The following P2RX7 variants were observed in gnomAD, a reference collection of about 807,000 sequenced individuals.
The protein encoded by P2RX7 is purinergic receptor P2X 7, also known as P2X purinoceptor 7.
P2RX7 carries 62 observed loss-of-function variants against 71.6 expected under a neutral mutation model. The observed-to-expected ratio is 0.87, with a 90% CI of 0.71 to 1.07. The LOEUF (loss-of-function observed/expected upper bound fraction) is 1.07, where lower values mean the gene tolerates loss of function less well. Ranked by LOEUF, P2RX7 falls within the 50% of genes least tolerant of loss-of-function variation. The pLI, the probability that P2RX7 is intolerant of heterozygous loss-of-function variation, is 0.00. For missense variants in P2RX7, 686 were observed against 748.5 expected, an observed-to-expected ratio of 0.92 and a Z score of 0.97; for synonymous variants, 299 against 283.3, an observed-to-expected ratio of 1.06 and a Z score of -0.56.
At chr12:121,157,993 C>T (rs570841986) in intron 3 of P2RX7, among the ~76,000 whole-genome samples, 1 of 152,234 alleles carries the variant, frequency 6.6e-6, no homozygotes, top group African/African-American at 2.4e-5. Flanking sequence ...CAGGTTCCAT[C>T]GAAGCACTTC....
chr12:121,171,321 A>G (rs1360663984), intron 8 of P2RX7, among the ~76,000 whole-genome samples: 1 of 145,794 alleles, frequency 6.9e-6, no homozygotes, highest in African/African-American at 2.5e-5. Flanking sequence ...CTCCATCCTC[A>G]CATGGCCTTC....
rs778980769 is a variant in P2RX7 at position 121,167,537 on chromosome 12, G to T, written c.794G>T (p.Trp265Leu). 6.2e-7 allele frequency: 1 copy of T among 1,613,730 alleles called. No homozygotes were observed. The highest frequency in any genetic ancestry group is 8.5e-7 in the Non-Finnish European group (1 of 1,179,818). ...TACTGGGACTGCAACCTAGACCGTT[G>T]GTTCCATCACTGCCGTCCCAAATAC... ...EIYWDCNLDRWFHHCRPKYSF... is the reference protein window; with the variant it reads ...EIYWDCNLDRLFHHCRPKYSF... Residue 265 changes from tryptophan (W) to leucine (L), a missense_variant, in exon 8 of 13, where the codon TGG becomes TTG. Trp to Leu is a moderately conservative substitution (Grantham distance 61, BLOSUM62 -2). Coordinates refer to ENST00000328963, the MANE Select transcript of P2RX7 (RefSeq NM_002562.6).
At position 121,172,053 on chromosome 12, in the gene P2RX7, G is replaced by T. The variant is rs550218156; in HGVS notation, c.882-3335G>T. The stretch of plus-strand genomic sequence containing the variant: ...ATTTTTTGCATTTTTAGTACAGACG[G>T]GGTTTCACCATGTTAGCCAGGATGG... On this transcript the variant is annotated intron_variant, in intron 8 of 12. Transcript: ENST00000328963. Among the ~76,000 whole-genome samples, 5 of 151,986 alleles carry T rather than the reference G, an allele frequency of 3.3e-5. No homozygotes were observed. In the East Asian group the frequency reaches 7.8e-4, roughly 24 times the overall value.
intron 11 of P2RX7, among the ~76,000 whole-genome samples, chr12:121,179,978 C>T (rs138845503): frequency 1.5e-3 from 224 of 151,830 alleles, no homozygotes; most frequent in African/African-American, 4.8e-3. Flanking sequence ...GGAGAAACCC[C>T]GTCTCTACTA....
intron 1 of P2RX7, among the ~76,000 whole-genome samples, chr12:121,152,410 C>G (rs1877640881): frequency 6.6e-6 from 1 of 152,158 alleles, no homozygotes; most frequent in Non-Finnish European, 1.5e-5. Context: ...CTTACTATAG[C>G]CTTGACCTCC....
chr12:121,148,020 C>A (rs1876579836), intron 1 of P2RX7, among the ~76,000 whole-genome samples: 1 of 151,856 alleles, frequency 6.6e-6, no homozygotes, highest in Admixed American at 6.6e-5. Context: ...TCTTTACTGT[C>A]ATAGAAAGAA....
intron 5 of P2RX7, 119 bp downstream of exon 5, chr12:121,162,639 C>T: frequency 8.3e-7 from 1 of 1,211,960 alleles, no homozygotes; most frequent in South Asian, 1.4e-5. Flanking sequence ...GTCCTACCGG[C>T]TTGGGGACCC....
intron 1 of P2RX7, among the ~76,000 whole-genome samples, chr12:121,144,291 G>A (rs573093652): frequency 5.5e-4 from 83 of 152,238 alleles, no homozygotes; most frequent in South Asian, 6.2e-4. Flanking sequence ...TCTACCTTCC[G>A]GATTCAAGCG....
chr12:121,140,193 C>T (rs1874553377), intron 1 of P2RX7, among the ~76,000 whole-genome samples: 1 of 151,882 alleles, frequency 6.6e-6, no homozygotes, highest in Non-Finnish European at 1.5e-5. Context: ...ATGTGACACA[C>T]AGTACGAAGA....
intron 8 of P2RX7, among the ~76,000 whole-genome samples, 188 bp downstream of exon 8, chr12:121,167,812 T>C (rs1012306693): frequency 6.6e-6 from 1 of 151,236 alleles, no homozygotes; most frequent in South Asian, 2.1e-4. Context: ...CTTTATTTTT[T>C]ACTTATTTTT....
intron 1 of P2RX7, among the ~76,000 whole-genome samples, chr12:121,139,703 C>T (rs943505810): frequency 4.0e-5 from 6 of 151,508 alleles, no homozygotes; most frequent in African/African-American, 7.3e-5. Flanking sequence ...CCAAATCCAA[C>T]CCAAGCATGG....
At chr12:121,178,462 C>G (rs758520620) in intron 11 of P2RX7, among the ~76,000 whole-genome samples, 6 of 152,164 alleles carry the variant, frequency 3.9e-5, no homozygotes, top group Non-Finnish European at 8.8e-5. Context: ...TTATCTCTTT[C>G]TATATATGAG....
intron 11 of P2RX7, among the ~76,000 whole-genome samples, chr12:121,179,237 G>A (rs1342040322): frequency 2.0e-5 from 3 of 152,178 alleles, no homozygotes; most frequent in East Asian, 1.9e-4. Context: ...GGTGGCTCAC[G>A]CCTGTAGTCC....
chr12:121,167,873 C>A (rs930103608), intron 8 of P2RX7, among the ~76,000 whole-genome samples: 5 of 150,938 alleles, frequency 3.3e-5, no homozygotes, highest in African/African-American at 1.2e-4. Context: ...AGTGCAGTGG[C>A]GCCATCTCAG....
In P2RX7 at chr12:121,152,140, C is replaced by T. The variant is rs146108153; in HGVS notation, c.126-2645C>T. ...GATTACAGGCGCACACCACCACACCCGGCTAATTTTTTGTATTTTTAGTAG... is the reference window on the plus strand; with the variant it reads ...GATTACAGGCGCACACCACCACACCTGGCTAATTTTTTGTATTTTTAGTAG... On this transcript the variant is annotated intron_variant, in intron 1 of 12. Coordinates refer to ENST00000328963, the MANE Select transcript of P2RX7 (RefSeq NM_002562.6). Among the ~76,000 whole-genome samples the T allele has an allele frequency of 2.1e-4, 32 of 152,002 alleles. No individual in the cohort carries two copies. In the East Asian group the frequency reaches 3.5e-3, roughly 17 times the overall value.
intron 9 of P2RX7, among the ~76,000 whole-genome samples, chr12:121,176,040 C>T (rs1883056409): frequency 1.3e-5 from 2 of 152,170 alleles, no homozygotes; most frequent in Non-Finnish European, 2.9e-5. Context: ...GAAAACACCT[C>T]TTTGCCAGAA....
intron 3 of P2RX7, among the ~76,000 whole-genome samples, chr12:121,158,732 T>C (rs1879067127): frequency 6.6e-6 from 1 of 151,534 alleles, no homozygotes; most frequent in African/African-American, 2.4e-5. Flanking sequence ...GTGCTGTTTT[T>C]TAAAAAAAAA....
At chr12:121,162,840 C>T (rs561933245) in intron 5 of P2RX7, among the ~76,000 whole-genome samples, 2 of 152,090 alleles carry the variant, frequency 1.3e-5, no homozygotes, top group East Asian at 3.9e-4. Flanking sequence ...AGTGCCACAG[C>T]AGGATCCCTT....
At chr12:121,175,290 G>A (rs1882885552) in intron 8 of P2RX7, 98 bp from the exon 9 acceptor site, 1 of 634,892 alleles carries the variant, frequency 1.6e-6, no homozygotes, top group Admixed American at 2.6e-5. Flanking sequence ...CAGCCTGGGT[G>A]ACAGCGTGAG....
Sources: gnomAD v4.1 joint callset for allele counts (sites outside exome capture counted in the v4.1 genomes callset) on GRCh38, gnomAD v4.1.1 for gene constraint, MANE v1.5 for transcripts, NCBI Gene and HGNC (gene_info 2026-07-23, HGNC 2026-07-21) for gene names.